Variants in THTPA observed in about 807,000 individuals in gnomAD.
THTPA encodes thiamine-triphosphatase.
THTPA carries 16 observed loss-of-function variants against 16.5 expected under a neutral mutation model. That is an observed-to-expected ratio of 0.97 (90% confidence interval 0.66 to 1.47). THTPA has a LOEUF of 1.47. THTPA is among the 40% of genes most tolerant of loss of function. The pLI is 0.00. For synonymous variants in THTPA, 110 were observed against 115.5 expected (o/e 0.95, Z 0.30); for missense variants, 281 against 280.9 (o/e 1.00, Z 0.00).
the THTPA span, among the ~76,000 whole-genome samples, chr14:23,537,413 G>A: frequency 6.6e-6 from 1 of 151,984 alleles, no homozygotes; most frequent in Non-Finnish European, 1.5e-5. Context: ...AAGGGGCGAG[G>A]GGCGTGGCCT....
the THTPA span, chr14:23,529,380 C>T: frequency 3.2e-6 from 1 of 315,958 alleles, no homozygotes. Context: ...TGGGCAGTAG[C>T]TGGTTGTTTG....
At chr14:23,534,296 T>A in the THTPA span, 5 of 1,534,292 alleles carry the variant, frequency 3.3e-6, no homozygotes, top group East Asian at 1.2e-4. This position sits in a 1 kb window ranked among gnomAD's most constrained non-coding sequence, Gnocchi z 4.5. Flanking sequence ...GAGGGTGGGC[T>A]GAGGGCCATA....
At chr14:23,534,144 G>A in the THTPA span, 4 of 1,474,340 alleles carry the variant, frequency 2.7e-6, no homozygotes, top group Non-Finnish European at 3.6e-6. This position sits in a 1 kb window ranked among gnomAD's most constrained non-coding sequence, Gnocchi z 4.5. Context: ...CCTTGGAGGT[G>A]GGTGAGCTTT....
At chr14:23,512,363 A>T in the THTPA span, among the ~76,000 whole-genome samples, 6 of 152,204 alleles carry the variant, frequency 3.9e-5, no homozygotes, top group African/African-American at 1.4e-4. Context: ...TCGAGGAATC[A>T]AAAGCAGGCA....
At chr14:23,526,978 A>G in the THTPA span, 16 of 1,503,894 alleles carry the variant, frequency 1.1e-5, no homozygotes, top group Admixed American at 6.5e-5. Flanking sequence ...TGTAGCCTGC[A>G]ATGAGAAAAA....
the THTPA span, chr14:23,529,773 G>A: frequency 6.5e-7 from 1 of 1,536,230 alleles, no homozygotes; most frequent in Non-Finnish European, 8.7e-7. Flanking sequence ...CTGAAGCTGA[G>A]GATGAAAGAA....
chr14:23,526,072 G>A, the THTPA span: 1 of 1,536,532 alleles, frequency 6.5e-7, no homozygotes, highest in Non-Finnish European at 8.7e-7. Context: ...CTTCTTGGCT[G>A]CGTTCTGGCC....
upstream of THTPA, among the ~76,000 whole-genome samples, chr14:23,555,203 T>G (rs183347506): frequency 6.6e-6 from 1 of 152,150 alleles, no homozygotes; most frequent in Non-Finnish European, 1.5e-5. Context: ...TTCTCCATGT[T>G]GGCCAGGCTG....
At chr14:23,521,930 G>A in the THTPA span, 1 of 1,535,234 alleles carries the variant, frequency 6.5e-7, no homozygotes. Flanking sequence ...GAGCCCTGAG[G>A]CCCTCCCCTC....
chr14:23,513,282 A>C, the THTPA span: 1 of 150,210 alleles, frequency 6.7e-6, no homozygotes, highest in African/African-American at 2.5e-5. Flanking sequence ...CCGCCTACCC[A>C]CCCAATCCCA....
At chr14:23,534,005 T>C in the THTPA span, 1 of 1,537,060 alleles carries the variant, frequency 6.5e-7, no homozygotes, top group South Asian at 1.2e-5. This position sits in a 1 kb window ranked among gnomAD's most constrained non-coding sequence, Gnocchi z 4.5. Context: ...AGCAGGGACA[T>C]GTGGCTGGAC....
chr14:23,521,756 ATG>A, the THTPA span: 8 of 851,600 alleles, frequency 9.4e-6, no homozygotes, highest in East Asian at 1.7e-4. Flanking sequence ...AGGAGGATCA[ATG>A]TGTGTGTCTG....
chr14:23,525,373 A>G, the THTPA span: 2 of 1,536,162 alleles, frequency 1.3e-6, no homozygotes, highest in East Asian at 2.4e-5. This position sits in a 1 kb window ranked among gnomAD's most constrained non-coding sequence, Gnocchi z 5.9. Flanking sequence ...ATAGGCTGTC[A>G]TAGCTCTTTC....
chr14:23,527,049 A>C, the THTPA span: 3 of 1,419,764 alleles, frequency 2.1e-6, no homozygotes, highest in Non-Finnish European at 2.7e-6. Context: ...CATCTGCCCT[A>C]CACCTGTACT....
the THTPA span, among the ~76,000 whole-genome samples, chr14:23,541,917 C>A: frequency 6.6e-6 from 1 of 152,166 alleles, no homozygotes; most frequent in Non-Finnish European, 1.5e-5. Flanking sequence ...CTAGACCCTT[C>A]CCCTTTTATA....
chr14:23,527,845 G>T, the THTPA span: 2 of 1,513,852 alleles, frequency 1.3e-6, no homozygotes, highest in South Asian at 2.4e-5. Context: ...TGTCAGGGAA[G>T]GATGGGACCC....
the THTPA span, among the ~76,000 whole-genome samples, chr14:23,519,577 G>A: frequency 0.049 from 7,463 of 152,124 alleles, 216 homozygotes; most frequent in Middle Eastern, 0.068. Flanking sequence ...ATCAGAAATT[G>A]GGGTGGAATT....
At chr14:23,530,416 A>T in the THTPA span, 1 of 673,712 alleles carries the variant, frequency 1.5e-6, no homozygotes, top group East Asian at 2.7e-5. Context: ...AGATCATTTT[A>T]TTAAGAGTCC....
upstream of THTPA, among the ~76,000 whole-genome samples, chr14:23,555,168 A>G (rs1488446120): frequency 6.6e-6 from 1 of 151,862 alleles, no homozygotes; most frequent in Non-Finnish European, 1.5e-5. Flanking sequence ...TTGCATTTTT[A>G]GTAGAGACGG....
Sources: gnomAD v4.1 joint callset for allele counts (sites outside exome capture counted in the v4.1 genomes callset) on GRCh38, gnomAD v4.1.1 for gene constraint, Gnocchi (gnomAD v3.1) non-coding constraint, MANE v1.5 for transcripts, NCBI Gene and HGNC (gene_info 2026-07-23, HGNC 2026-07-21) for gene names.